Variants in CNIH3 observed in about 807,000 individuals in gnomAD.
CNIH3 encodes the protein cornichon family AMPA receptor auxiliary protein 3.
CNIH3 carries 14 observed loss-of-function variants against 24.1 expected under a neutral mutation model. That is an observed-to-expected ratio of 0.58 (90% CI 0.38 to 0.91). CNIH3 has a LOEUF of 0.91. CNIH3 is among the 40% of genes least tolerant of loss of function. The pLI, the probability that CNIH3 is intolerant of heterozygous loss-of-function variation, is 0.00. For missense variants in CNIH3, 178 were observed against 196.8 expected (o/e 0.90, Z 0.57); for synonymous variants, 68 against 73.8 (o/e 0.92, Z 0.40).
intron 1 of CNIH3, among the ~76,000 whole-genome samples, chr1:224,460,175 A>C (rs372299079): frequency 8.5e-5 from 13 of 152,152 alleles, no homozygotes; most frequent in African/African-American, 2.9e-4. Flanking sequence ...TACAGGCATG[A>C]TCTACCCCTC....
chr1:224,576,649 A>C (rs1681049973), intron 4 of CNIH3, among the ~76,000 whole-genome samples: 1 of 152,132 alleles, frequency 6.6e-6, no homozygotes, highest in African/African-American at 2.4e-5. Flanking sequence ...CGTGTAGTAT[A>C]CTATGATTAT....
chr1:224,731,906 TAAG>T (rs1489081622), intron 4 of CNIH3, among the ~76,000 whole-genome samples: 12 of 152,172 alleles, frequency 7.9e-5, no homozygotes, highest in African/African-American at 2.9e-4. Context: ...TGGAGGGAAA[TAAG>T]AAGAGACAGG....
chr1:224,693,094 C>T lies in CNIH3; in HGVS notation c.198+8251C>T, dbSNP rs1424603844. Among the ~76,000 whole-genome samples the T allele has an allele frequency of 2.0e-5, 3 of 152,206 alleles. No homozygotes were observed. In the East Asian group the frequency reaches 5.8e-4, roughly 29 times the overall value. The stretch of plus-strand genomic sequence containing the variant: ...ACAAAAGTTGTAACTAGTTCAGAAA[C>T]CATGTCTCATGTATAATTTATTTTC... On this transcript the variant is annotated intron_variant, in intron 3 of 5. Coordinates refer to ENST00000272133, the MANE Select transcript of CNIH3 (RefSeq NM_152495.2).
chr1:224,674,516 T>C (rs1163064233), intron 1 of CNIH3, among the ~76,000 whole-genome samples: 1 of 152,084 alleles, frequency 6.6e-6, no homozygotes, highest in East Asian at 1.9e-4. Flanking sequence ...CAGTCTAGAC[T>C]TAGGGCAGGC....
At chr1:224,647,606 G>T (rs940506952) in intron 1 of CNIH3, among the ~76,000 whole-genome samples, 2 of 152,358 alleles carry the variant, frequency 1.3e-5, no homozygotes, top group Non-Finnish European at 2.9e-5. Context: ...CAGTGAACTG[G>T]GTTAGGGCCC....
chr1:224,535,027 G>T (rs1471071883), intron 2 of CNIH3, among the ~76,000 whole-genome samples: 1 of 152,154 alleles, frequency 6.6e-6, no homozygotes, highest in East Asian at 1.9e-4. Context: ...TCTGTTCTGG[G>T]CTGAATTGTG....
chr1:224,517,333 C>CT (rs1678432340), intron 1 of CNIH3, among the ~76,000 whole-genome samples: 1 of 152,092 alleles, frequency 6.6e-6, no homozygotes, highest in Non-Finnish European at 1.5e-5. Context: ...TGCTGAAACT[C>CT]TGATTACACA....
At chr1:224,436,433 A>G (rs934910540) in intron 1 of CNIH3, among the ~76,000 whole-genome samples, 7 of 152,250 alleles carry the variant, frequency 4.6e-5, no homozygotes, top group Non-Finnish European at 7.3e-5. Flanking sequence ...GCTTCTGAAT[A>G]AAGACTGTAG....
chr1:224,524,328 G>C (rs180918685), intron 2 of CNIH3, among the ~76,000 whole-genome samples: 79 of 152,324 alleles, frequency 5.2e-4, no homozygotes, highest in Non-Finnish European at 6.3e-4. Context: ...TGTACATAAA[G>C]GACTGGTGAT....
At chr1:224,441,196 T>C (rs895526194) in intron 1 of CNIH3, among the ~76,000 whole-genome samples, 5 of 152,246 alleles carry the variant, frequency 3.3e-5, no homozygotes, top group Admixed American at 3.3e-4. Context: ...TTTTTATTAA[T>C]GTTATGCTTC....
rs1257282778 is a variant in CNIH3, at chr1:224,649,626, T to C, written c.82-31332T>C. The stretch of plus-strand genomic sequence containing the variant: ...CCCCAAGTAGGGCTCTCTACAGTGG[T>C]TTTTGAAATCTACTTGGCTTCATTT... On this transcript the variant is annotated intron_variant, in intron 1 of 5. Transcript: ENST00000272133. 2.0e-5 allele frequency among the ~76,000 whole-genome samples: 3 copies of C among 152,160 alleles called. No homozygotes were observed. In the East Asian group the frequency reaches 5.8e-4, roughly 29 times the overall value.
intron 1 of CNIH3, among the ~76,000 whole-genome samples, chr1:224,516,846 A>T (rs1287356055): frequency 6.6e-6 from 1 of 151,066 alleles, no homozygotes; most frequent in Non-Finnish European, 1.5e-5. Context: ...AGTGCTAAGG[A>T]CACACTCTTT....
At chr1:224,702,336 C>T (rs930938155) in intron 3 of CNIH3, among the ~76,000 whole-genome samples, 1 of 152,140 alleles carries the variant, frequency 6.6e-6, no homozygotes, top group African/African-American at 2.4e-5. Context: ...CAGTAAATAC[C>T]TTTGTGGGCT....
chr1:224,621,469 G>A (rs988704486), intron 1 of CNIH3, among the ~76,000 whole-genome samples: 1 of 152,186 alleles, frequency 6.6e-6, no homozygotes, highest in Non-Finnish European at 1.5e-5. Context: ...CTACTCAGAT[G>A]AGGGTACTGC....
At chr1:224,738,023 C>T (rs139871796) in intron 5 of CNIH3, among the ~76,000 whole-genome samples, 1 of 152,176 alleles carries the variant, frequency 6.6e-6, no homozygotes, top group Non-Finnish European at 1.5e-5. Context: ...GCCTGTTCCT[C>T]CTCAGGTTTA....
At chr1:224,732,287 G>T (rs1035008578) in intron 4 of CNIH3, among the ~76,000 whole-genome samples, 1 of 152,176 alleles carries the variant, frequency 6.6e-6, no homozygotes, top group African/African-American at 2.4e-5. Context: ...TCTAGGCTGC[G>T]TGGCCGGGAG....
intron 2 of CNIH3, among the ~76,000 whole-genome samples, chr1:224,526,757 G>A (rs1297186594): frequency 6.6e-6 from 1 of 152,110 alleles, no homozygotes; most frequent in Non-Finnish European, 1.5e-5. Context: ...AGGTTTAACT[G>A]GCCCATGGTT....
chr1:224,443,658 T>TATATATAGATAG (rs1675013317), intron 1 of CNIH3, among the ~76,000 whole-genome samples: 1 of 142,812 alleles, frequency 7.0e-6, no homozygotes, highest in East Asian at 1.9e-4. Flanking sequence ...TGCCCAATTA[T>TATATATAGATAG]ATATATAGAT....
chr1:224,624,564 C>A (rs964516150), intron 1 of CNIH3, among the ~76,000 whole-genome samples: 1 of 152,130 alleles, frequency 6.6e-6, no homozygotes, highest in African/African-American at 2.4e-5. Context: ...ATGTCTGTCC[C>A]CTCCCTTCCA....
Sources: gnomAD v4.1 joint callset for allele counts (sites outside exome capture counted in the v4.1 genomes callset) on GRCh38, gnomAD v4.1.1 for gene constraint, MANE v1.5 for transcripts, NCBI Gene and HGNC (gene_info 2026-07-23, HGNC 2026-07-21) for gene names.